The following ARHGAP42 variants were observed in gnomAD, a reference collection of about 807,000 sequenced individuals.
ARHGAP42 encodes Rho GTPase activating protein 42, also known as rho GTPase-activating protein 42.
In ARHGAP42, 63 loss-of-function variants were observed where a neutral mutation model predicts 125.0. The ratio of observed to expected loss-of-function variants is 0.50; its 90% CI spans 0.41 to 0.62. ARHGAP42 has a LOEUF of 0.62. Ranked by LOEUF, ARHGAP42 falls within the 20% of genes least tolerant of loss-of-function variation. The pLI is 0.00. For missense variants in ARHGAP42, 766 were observed against 1,024.2 expected (o/e 0.75, Z 3.44); for synonymous variants, 339 against 351.0 (o/e 0.97, Z 0.38).
rs1165961029 is a variant in ARHGAP42 at position 100,803,227 on chromosome 11, T to A, written c.312+8061T>A. Among the ~76,000 whole-genome samples the A allele has an allele frequency of 7.7e-5, 10 of 129,052 alleles. No homozygotes were observed. The East Asian group carries it at 1.8e-3, about 24-fold the overall frequency. 84.7% of individuals were successfully genotyped at this position (129,052 alleles called of 152,430 possible). A position where few individuals can be genotyped will look rare whatever the true frequency, so the allele number is the denominator to read the frequency against. On this transcript the variant is annotated intron_variant, in intron 3 of 23. Transcript: ENST00000298815. ...CCAATCTCTACTAAAAAAAAAAAAATTGGATAGATTTAGATGCGTACTGTA... is the reference window on the plus strand; with the variant it reads ...CCAATCTCTACTAAAAAAAAAAAAAATGGATAGATTTAGATGCGTACTGTA...
intron 10 of ARHGAP42, 65 bp from the exon 11 acceptor site, chr11:100,948,392 T>G (rs980830466): frequency 2.6e-6 from 3 of 1,165,504 alleles, no homozygotes; most frequent in African/African-American, 3.1e-5. Context: ...TTTTATCTTT[T>G]TAGTTAACTG....
At chr11:100,768,081 G>T (rs1047405003) in intron 1 of ARHGAP42, among the ~76,000 whole-genome samples, 1 of 152,152 alleles carries the variant, frequency 6.6e-6, no homozygotes, top group Non-Finnish European at 1.5e-5. Flanking sequence ...GGCTGCCACA[G>T]TAAGTCCTGG....
chr11:100,749,505 C>G (rs1329634343), intron 1 of ARHGAP42, among the ~76,000 whole-genome samples: 1 of 152,034 alleles, frequency 6.6e-6, no homozygotes, highest in Admixed American at 6.5e-5. Context: ...GAAGGCTCAA[C>G]CCCTCAAACC....
intron 1 of ARHGAP42, among the ~76,000 whole-genome samples, chr11:100,716,677 A>T (rs1221325801): frequency 6.6e-6 from 1 of 152,202 alleles, no homozygotes; most frequent in East Asian, 1.9e-4. Flanking sequence ...ATATGCTAAA[A>T]ATATAAATTT....
intron 3 of ARHGAP42, among the ~76,000 whole-genome samples, chr11:100,836,113 C>T (rs997606636): frequency 6.6e-6 from 1 of 152,132 alleles, no homozygotes; most frequent in Admixed American, 6.6e-5. Context: ...AGTCAAATCT[C>T]ATCCTCTTAC....
At chr11:100,960,222 C>T (rs939391685) in intron 13 of ARHGAP42, among the ~76,000 whole-genome samples, 1 of 122,972 alleles carries the variant, frequency 8.1e-6, no homozygotes, top group African/African-American at 3.6e-5. Context: ...TTACTGCAAG[C>T]ACCTCTTTGA....
At chr11:100,882,404 T>G (rs1411696349) in intron 4 of ARHGAP42, among the ~76,000 whole-genome samples, 1 of 152,184 alleles carries the variant, frequency 6.6e-6, no homozygotes, top group African/African-American at 2.4e-5. Context: ...TTTATTGACT[T>G]GTGAATGTTA....
intron 2 of ARHGAP42, 35 bp from the exon 3 acceptor site, chr11:100,795,070 A>T: frequency 2.0e-6 from 3 of 1,478,812 alleles, no homozygotes; most frequent in Non-Finnish European, 2.7e-6. Flanking sequence ...CTATGAAAAT[A>T]TTAATTCTTT....
At chr11:100,785,912 G>C (rs768786769) in intron 2 of ARHGAP42, among the ~76,000 whole-genome samples, 19 of 152,128 alleles carry the variant, frequency 1.2e-4, no homozygotes, top group South Asian at 2.1e-4. Flanking sequence ...GGAGAGAACA[G>C]ACTTTGGAAT....
At chr11:100,913,075 G>C (rs1866968079) in intron 4 of ARHGAP42, among the ~76,000 whole-genome samples, 1 of 151,678 alleles carries the variant, frequency 6.6e-6, no homozygotes, top group African/African-American at 2.4e-5. Context: ...TTTTCTCTTG[G>C]TCACATCTCA....
chr11:100,986,093 A>G (rs1318957133), intron 22 of ARHGAP42: 1 of 456,686 alleles, frequency 2.2e-6, no homozygotes, highest in East Asian at 6.9e-5. Flanking sequence ...CCTGAGTTAT[A>G]CTACTAAGCA....
At chr11:100,700,998 G>A (rs1861386451) in intron 1 of ARHGAP42, among the ~76,000 whole-genome samples, 1 of 152,232 alleles carries the variant, frequency 6.6e-6, no homozygotes, top group Non-Finnish European at 1.5e-5. Flanking sequence ...AGATTAGAAA[G>A]TTGAAATTAC....
chr11:100,931,001 G>C (rs74240267), intron 6 of ARHGAP42, among the ~76,000 whole-genome samples: 7,017 of 152,214 alleles, frequency 0.046, 315 homozygotes, highest in East Asian at 0.25. Flanking sequence ...GACATAATGA[G>C]ATACCTTGGG....
chr11:100,816,048 C>A (rs1192506270), intron 3 of ARHGAP42, among the ~76,000 whole-genome samples: 1 of 152,116 alleles, frequency 6.6e-6, no homozygotes, highest in Admixed American at 6.5e-5. Context: ...ATCTATTTAT[C>A]CATGGAGGGA....
At chr11:100,950,764 A>G (rs1029085896) in intron 12 of ARHGAP42, among the ~76,000 whole-genome samples, 1 of 152,198 alleles carries the variant, frequency 6.6e-6, no homozygotes, top group African/African-American at 2.4e-5. Flanking sequence ...AGGGTTATGT[A>G]TATAACTTTG....
intron 4 of ARHGAP42, among the ~76,000 whole-genome samples, chr11:100,898,426 C>T (rs554797776): frequency 6.6e-6 from 1 of 152,214 alleles, no homozygotes; most frequent in Non-Finnish European, 1.5e-5. Context: ...GTACCAGCTC[C>T]CCTTTGTACC....
chr11:100,943,739 TG>T lies in ARHGAP42; in HGVS notation c.934-18del. The stretch of plus-strand genomic sequence containing the variant: ...TTCACTTGTCAGCATGTTAATACTG[TG>T]GTACTCTTCTTGTTTCAGAATGGCC... On this transcript the variant is annotated intron_variant, in intron 9 of 23. Transcript: ENST00000298815. The T allele has an allele frequency of 6.8e-7, 1 of 1,460,652 alleles. No individual in the cohort carries two copies. Among genetic ancestry groups the T allele is most frequent in the Non-Finnish European group, 9.4e-7 (1 of 1,066,800 alleles). 90.5% of individuals were successfully genotyped at this position (1,460,652 alleles called of 1,614,324 possible). A position where few individuals can be genotyped will look rare whatever the true frequency, so the allele number is the denominator to read the frequency against.
intron 4 of ARHGAP42, among the ~76,000 whole-genome samples, chr11:100,878,069 G>A (rs1865867385): frequency 6.7e-6 from 1 of 148,888 alleles, no homozygotes; most frequent in South Asian, 2.1e-4. Context: ...TTTAACATAT[G>A]AATATGGGAA....
At chr11:100,802,424 CTTTTT>C (rs777832011) in intron 3 of ARHGAP42, among the ~76,000 whole-genome samples, 1 of 123,912 alleles carries the variant, frequency 8.1e-6, no homozygotes, top group Non-Finnish European at 1.7e-5. Flanking sequence ...TCCTTTCTTT[CTTTTT>C]TTTTTTTTTT....
Sources: allele counts gnomAD v4.1 joint callset (sites outside exome capture counted in the v4.1 genomes callset), GRCh38; gene constraint gnomAD v4.1.1; transcripts MANE v1.5; gene names NCBI Gene and HGNC (gene_info 2026-07-23, HGNC 2026-07-21).